SWT1: variants seen among roughly 807,000 people sequenced by gnomAD.
The protein encoded by SWT1 is SWT1 RNA endoribonuclease homolog, also known as transcriptional protein SWT1.
A neutral mutation model predicts 107.3 loss-of-function variants in SWT1; 33 were observed. The observed-to-expected ratio is 0.31, with a 90% confidence interval of 0.23 to 0.41. SWT1 has a LOEUF of 0.41. Ranked by LOEUF, SWT1 falls within the 10% of genes least tolerant of loss-of-function variation. SWT1 has a pLI of 1.00. For missense variants in SWT1, 898 were observed against 1,028.9 expected (o/e 0.87, Z 1.74); for synonymous variants, 345 against 348.3 (o/e 0.99, Z 0.11).
At chr1:185,279,769 A>T (rs778994590) in intron 18 of SWT1, among the ~76,000 whole-genome samples, 2 of 150,856 alleles carry the variant, frequency 1.3e-5, no homozygotes, top group Non-Finnish European at 2.9e-5. Context: ...ATGAAAGGTG[A>T]CACCATTTCC....
chr1:185,208,756 T>G (rs927874275), intron 13 of SWT1, among the ~76,000 whole-genome samples: 2 of 151,218 alleles, frequency 1.3e-5, no homozygotes, highest in African/African-American at 4.9e-5. Flanking sequence ...TTTTTTTTTT[T>G]GATCTCCTAA....
intron 18 of SWT1, among the ~76,000 whole-genome samples, chr1:185,285,737 TCATTCATG>T (rs1664909301): frequency 1.3e-5 from 2 of 152,302 alleles, no homozygotes; most frequent in South Asian, 4.1e-4. Context: ...GGGTCCAGCT[TCATTCATG>T]CATTCATCCA....
chr1:185,225,892 G>A (rs1041379207), intron 15 of SWT1, among the ~76,000 whole-genome samples: 12 of 152,074 alleles, frequency 7.9e-5, no homozygotes, highest in African/African-American at 2.9e-4. Context: ...TATTTAGTGT[G>A]CATAAACATA....
chr1:185,208,600 C>A (rs1039374078), intron 13 of SWT1, among the ~76,000 whole-genome samples: 1 of 152,168 alleles, frequency 6.6e-6, no homozygotes, highest in African/African-American at 2.4e-5. Flanking sequence ...GTCAAAACAT[C>A]ACATTGTACT....
At chr1:185,184,527 T>C (rs1242377272) in intron 8 of SWT1, among the ~76,000 whole-genome samples, 183 bp downstream of exon 8, 1 of 152,198 alleles carries the variant, frequency 6.6e-6, no homozygotes, top group Non-Finnish European at 1.5e-5. Context: ...GAACTCACTC[T>C]TTTTTTGATC....
chr1:185,185,650 C>A (rs1378743640), intron 9 of SWT1, among the ~76,000 whole-genome samples: 1 of 151,992 alleles, frequency 6.6e-6, no homozygotes. Context: ...GTCCACTGCA[C>A]CCATATTCAC....
At chr1:185,158,359 C>A (rs993902492) in intron 1 of SWT1, among the ~76,000 whole-genome samples, 1 of 151,808 alleles carries the variant, frequency 6.6e-6, no homozygotes, top group Non-Finnish European at 1.5e-5. Flanking sequence ...ATCCCTTTTA[C>A]TGATCGTCCC....
chr1:185,257,376 C>T (rs1278715847), intron 16 of SWT1, among the ~76,000 whole-genome samples: 3 of 152,024 alleles, frequency 2.0e-5, no homozygotes, highest in Non-Finnish European at 4.4e-5. Flanking sequence ...GCCCCTCCCC[C>T]AGCCTCGCTG....
chr1:185,256,721 T>G (rs1250015799), intron 16 of SWT1, among the ~76,000 whole-genome samples: 1 of 151,760 alleles, frequency 6.6e-6, no homozygotes, highest in African/African-American at 2.4e-5. Context: ...TTGCCTTTGG[T>G]TTGAATGTCC....
At chr1:185,223,199 T>A (rs1201315624) in intron 15 of SWT1, among the ~76,000 whole-genome samples, 1 of 152,182 alleles carries the variant, frequency 6.6e-6, no homozygotes, top group African/African-American at 2.4e-5. Context: ...TTTCTGCACA[T>A]CATTGCCAAC....
At chr1:185,231,551 GA>G (rs755756715) in intron 15 of SWT1, 25 bp from the exon 16 acceptor site, 1 of 1,557,948 alleles carries the variant, frequency 6.4e-7, no homozygotes, top group Non-Finnish European at 8.8e-7. Flanking sequence ...GTATACCTAT[GA>G]GTATCTTTTT....
At chr1:185,178,127 AGTG>A (rs1655720940) in intron 5 of SWT1, among the ~76,000 whole-genome samples, 1 of 152,208 alleles carries the variant, frequency 6.6e-6, no homozygotes, top group Non-Finnish European at 1.5e-5. Context: ...GGCTCACTAA[AGTG>A]GTGGTTCTAA....
At chr1:185,199,091 C>A (rs1004146525) in intron 10 of SWT1, among the ~76,000 whole-genome samples, 10 of 152,008 alleles carry the variant, frequency 6.6e-5, no homozygotes, top group Non-Finnish European at 1.2e-4. Context: ...GCACACACCA[C>A]CATGCCTGGC....
At chr1:185,244,939 C>T (rs1251010830) in intron 16 of SWT1, among the ~76,000 whole-genome samples, 2 of 151,984 alleles carry the variant, frequency 1.3e-5, no homozygotes, top group Non-Finnish European at 2.9e-5. Flanking sequence ...ATTAGCTGGG[C>T]ATGGTGTTGT....
intron 1 of SWT1, among the ~76,000 whole-genome samples, chr1:185,158,370 G>C (rs1354556122): frequency 6.6e-6 from 1 of 151,556 alleles, no homozygotes; most frequent in Non-Finnish European, 1.5e-5. Flanking sequence ...TGATCGTCCC[G>C]TACAGCTTTT....
chr1:185,290,380 C>G (rs1166780819), intron 18 of SWT1, among the ~76,000 whole-genome samples: 1 of 152,052 alleles, frequency 6.6e-6, no homozygotes. Flanking sequence ...AGTTCGAGGC[C>G]AGCCTGGGCA....
intron 18 of SWT1, among the ~76,000 whole-genome samples, chr1:185,284,880 G>A (rs1664856331): frequency 6.6e-6 from 1 of 151,602 alleles, no homozygotes; most frequent in African/African-American, 2.4e-5. Context: ...GCATTCCTCA[G>A]ATAAGTGTCT....
intron 15 of SWT1, among the ~76,000 whole-genome samples, chr1:185,228,427 TGAGA>T (rs1472185166): frequency 6.6e-6 from 1 of 151,592 alleles, no homozygotes; most frequent in African/African-American, 2.4e-5. Context: ...GAGGCTGAGG[TGAGA>T]GAATTGCTTG....
intron 13 of SWT1, among the ~76,000 whole-genome samples, chr1:185,208,419 G>A (rs1256354231): frequency 6.6e-6 from 1 of 152,150 alleles, no homozygotes; most frequent in Non-Finnish European, 1.5e-5. Context: ...TAGATAGGAG[G>A]AATAAGTTCT....
Sources: allele counts gnomAD v4.1 joint callset (sites outside exome capture counted in the v4.1 genomes callset), GRCh38; gene constraint gnomAD v4.1.1; transcripts MANE v1.5; gene names NCBI Gene and HGNC (gene_info 2026-07-23, HGNC 2026-07-21).